The following ITGA9 variants were observed in gnomAD, a reference collection of about 807,000 sequenced individuals.
ITGA9 encodes the protein integrin subunit alpha 9.
A neutral mutation model predicts 127.8 loss-of-function variants in ITGA9; 56 were observed. That is an observed-to-expected ratio of 0.44 (90% CI 0.35 to 0.55). The LOEUF (loss-of-function observed/expected upper bound fraction) is 0.55, where lower values mean the gene tolerates loss of function less well. ITGA9 is among the 20% of genes least tolerant of loss of function. The probability of loss-of-function intolerance (pLI) is 0.00; values close to 1 mark genes in which losing one functional copy is unlikely to be tolerated. For synonymous variants in ITGA9, 508 were observed against 514.5 expected (o/e 0.99, Z 0.17); for missense variants, 1,196 against 1,347.1 (o/e 0.89, Z 1.76).
chr3:37,462,475 C>A (rs1413301408), intron 1 of ITGA9, among the ~76,000 whole-genome samples: 1 of 152,216 alleles, frequency 6.6e-6, no homozygotes, highest in East Asian at 1.9e-4. Context: ...TCCCTTTATG[C>A]AGAGCAGGCT....
At chr3:37,552,199 G>A (rs191674948) in intron 15 of ITGA9, among the ~76,000 whole-genome samples, 16 of 144,946 alleles carry the variant, frequency 1.1e-4, no homozygotes, top group Non-Finnish European at 2.2e-4. Flanking sequence ...GAAAGATTCG[G>A]AGCCAGCTAA....
chr3:37,615,099 C>G (rs768788840), intron 15 of ITGA9, among the ~76,000 whole-genome samples: 5 of 152,038 alleles, frequency 3.3e-5, no homozygotes, highest in Non-Finnish European at 5.9e-5. Context: ...ATTGGCTGTG[C>G]GTTTGTCATA....
At chr3:37,815,451 A>G (rs888586838) in intron 27 of ITGA9, among the ~76,000 whole-genome samples, 3 of 152,174 alleles carry the variant, frequency 2.0e-5, no homozygotes, top group Non-Finnish European at 4.4e-5. Context: ...TCTACTAAAA[A>G]TATGAAAATT....
intron 4 of ITGA9, among the ~76,000 whole-genome samples, chr3:37,483,564 G>A (rs1469172964): frequency 6.6e-6 from 1 of 152,198 alleles, no homozygotes; most frequent in Non-Finnish European, 1.5e-5. Flanking sequence ...TGGGCGAGTG[G>A]GTGCAGTCTC....
In ITGA9 at chr3:37,624,621, T is replaced by A. The variant is rs550954477; in HGVS notation, c.1690-4566T>A. 1.1e-4 allele frequency among the ~76,000 whole-genome samples: 16 copies of A among 152,232 alleles called. No individual in the cohort carries two copies. In the South Asian group the frequency reaches 3.1e-3, roughly 30 times the overall value. ...GATTTTTATTTATTTTATTTATTTA[T>A]TTTTGAGACAGAGTCTTGCTCTGTC... On this transcript the variant is annotated intron_variant, in intron 15 of 27. Transcript: ENST00000264741.
intron 14 of ITGA9, among the ~76,000 whole-genome samples, chr3:37,534,273 A>G (rs996001531): frequency 1.3e-5 from 2 of 152,216 alleles, no homozygotes; most frequent in East Asian, 1.9e-4. Flanking sequence ...ACCTGAACCT[A>G]CTGACGTTCT....
intron 15 of ITGA9, among the ~76,000 whole-genome samples, chr3:37,587,969 C>T (rs1291406083): frequency 6.6e-6 from 1 of 152,174 alleles, no homozygotes; most frequent in Non-Finnish European, 1.5e-5. Flanking sequence ...TGGAACAGCC[C>T]TCATTTGTTG....
chr3:37,814,940 C>G lies in ITGA9; in HGVS notation c.3010-3951C>G, dbSNP rs962491167. Among the ~76,000 whole-genome samples the G allele has an allele frequency of 2.0e-5, 3 of 152,138 alleles. No homozygotes were observed. The highest frequency in any genetic ancestry group is 4.4e-5 in the Non-Finnish European group (3 of 68,032). On this transcript the variant is annotated intron_variant, in intron 27 of 27. Coordinates refer to ENST00000264741, the MANE Select transcript of ITGA9 (RefSeq NM_002207.3). This position sits in a 1 kb window ranked among gnomAD's most constrained non-coding sequence, Gnocchi z 4.3. ...CATACATCAGTGGTAGCTCTGATCT[C>G]CCATCCAAGAGATTACGCATAGGCT...
At chr3:37,481,053 G>A (rs1314494914) in intron 3 of ITGA9, among the ~76,000 whole-genome samples, 1 of 152,104 alleles carries the variant, frequency 6.6e-6, no homozygotes, top group Non-Finnish European at 1.5e-5. Flanking sequence ...ACTCCAGACC[G>A]GCCTTTCTTT....
At chr3:37,515,663 G>A (rs1698977199) in intron 9 of ITGA9, among the ~76,000 whole-genome samples, 1 of 152,196 alleles carries the variant, frequency 6.6e-6, no homozygotes, top group South Asian at 2.1e-4. Context: ...TTGAGCCCAG[G>A]AGGTGGAGGC....
chr3:37,492,971 C>A lies in ITGA9; in HGVS notation c.545-1530C>A, dbSNP rs76889740. On this transcript the variant is annotated intron_variant, in intron 4 of 27. Transcript: ENST00000264741. The stretch of plus-strand genomic sequence containing the variant: ...TTCATTGCTTTGCACTAGTCTCACT[C>A]GCAGCCCTGGTGCAAGATTCTGCAG... 3.9e-3 allele frequency among the ~76,000 whole-genome samples: 600 copies of A among 152,330 alleles called. 4 individuals carry two copies. The highest frequency in any genetic ancestry group is 0.014 in the African/African-American group (565 of 41,568).
rs113856688 is a variant in ITGA9 at position 37,463,621 on chromosome 3, G to A, written c.186-7386G>A. Reference sequence around the variant, plus strand: ...CCTCTGCCACATTCTTTTGGCCAATGTAAGTCACAGGTCCAGACTACATCA... The same window carrying A: ...CCTCTGCCACATTCTTTTGGCCAATATAAGTCACAGGTCCAGACTACATCA... On this transcript the variant is annotated intron_variant, in intron 1 of 27. Coordinates refer to ENST00000264741, the MANE Select transcript of ITGA9 (RefSeq NM_002207.3). 8.5e-3 allele frequency among the ~76,000 whole-genome samples: 1,292 copies of A among 152,272 alleles called. 9 individuals are homozygous for A. The highest frequency in any genetic ancestry group is 0.018 in the African/African-American group (755 of 41,540).
At chr3:37,517,380 G>A in intron 9 of ITGA9, 124 bp from the exon 10 acceptor site, 2 of 783,514 alleles carry the variant, frequency 2.6e-6, no homozygotes, top group Non-Finnish European at 4.3e-6. Flanking sequence ...CTGCCCAGGT[G>A]TTTCCTGTCA....
intron 23 of ITGA9, among the ~76,000 whole-genome samples, chr3:37,760,524 GAA>G (rs1020273790): frequency 1.3e-5 from 2 of 151,990 alleles, no homozygotes; most frequent in African/African-American, 4.8e-5. Context: ...AGACGATAGA[GAA>G]AAGAGGGCAG....
intron 15 of ITGA9, among the ~76,000 whole-genome samples, chr3:37,624,886 C>T (rs1215105989): frequency 2.6e-5 from 4 of 152,298 alleles, no homozygotes; most frequent in South Asian, 2.1e-4. Flanking sequence ...GGATTACAGA[C>T]GTGAGCCACC....
Position 37,658,894 on chromosome 3 carries a change from C to T in ITGA9, c.1916+5104C>T, listed in dbSNP as rs542920223. On this transcript the variant is annotated intron_variant, in intron 17 of 27. Transcript: ENST00000264741. ...AAGGCAGGCCTGGTGGTGACAAAAT[C>T]TCAGAGCATTTGCTTCTCTGTAAAA... 7.9e-5 allele frequency among the ~76,000 whole-genome samples: 12 copies of T among 152,274 alleles called. No homozygotes were observed. In the South Asian group the frequency reaches 2.5e-3, roughly 32 times the overall value.
At position 37,474,584 on chromosome 3, in the gene ITGA9, T is replaced by C. The variant is rs988619759; in HGVS notation, c.420+1124T>C. On this transcript the variant is annotated intron_variant, in intron 3 of 27. Transcript: ENST00000264741. ...ACTTATGCATCCCCATTGCCAGTAC[T>C]CCGGAAGAACCCCTGCACCCTTTCC... Among the ~76,000 whole-genome samples the C allele has an allele frequency of 7.9e-5, 12 of 152,348 alleles. No individual in the cohort carries two copies. In the South Asian group the frequency reaches 1.2e-3, roughly 16 times the overall value.
At chr3:37,777,770 A>G (rs770394408) in intron 24 of ITGA9, among the ~76,000 whole-genome samples, 1 of 152,248 alleles carries the variant, frequency 6.6e-6, no homozygotes, top group Non-Finnish European at 1.5e-5. Context: ...TGTTTCTTCC[A>G]CTAGAATGAG....
chr3:37,589,923 G>A (rs1892806), intron 15 of ITGA9, among the ~76,000 whole-genome samples: 95,164 of 151,880 alleles, frequency 0.63, 30,157 homozygotes, highest in East Asian at 0.74. Context: ...CCTTGGGCCC[G>A]CAGGCTGCCT....
Sources: gnomAD v4.1 joint callset for allele counts (sites outside exome capture counted in the v4.1 genomes callset) on GRCh38, gnomAD v4.1.1 for gene constraint, Gnocchi (gnomAD v3.1) non-coding constraint, MANE v1.5 for transcripts, NCBI Gene and HGNC (gene_info 2026-07-23, HGNC 2026-07-21) for gene names.